The following SORCS1 variants were observed in gnomAD, a reference collection of about 807,000 sequenced individuals.
The protein encoded by SORCS1 is VPS10 domain-containing receptor SorCS1.
In SORCS1, 60 loss-of-function variants were observed where a neutral mutation model predicts 146.1. The ratio of observed to expected loss-of-function variants is 0.41; its 90% CI spans 0.33 to 0.51. The LOEUF (loss-of-function observed/expected upper bound fraction) is 0.51, where lower values mean the gene tolerates loss of function less well. Among genes scored for constraint, SORCS1 ranks in the 20% least tolerant of loss-of-function variants. SORCS1 has a pLI of 0.21. For missense variants in SORCS1, 1,352 were observed against 1,487.6 expected, an observed-to-expected ratio of 0.91 and a Z score of 1.50; for synonymous variants, 637 against 584.0, an observed-to-expected ratio of 1.09 and a Z score of -1.31.
At chr10:106,780,403 C>T (rs1323972710) in intron 3 of SORCS1, among the ~76,000 whole-genome samples, 1 of 152,134 alleles carries the variant, frequency 6.6e-6, no homozygotes, top group African/African-American at 2.4e-5. Context: ...GGAGCATGTT[C>T]TGGACAACAG....
At chr10:107,088,873 T>G (rs546802049) in intron 1 of SORCS1, among the ~76,000 whole-genome samples, 1 of 152,338 alleles carries the variant, frequency 6.6e-6, no homozygotes, top group African/African-American at 2.4e-5. Flanking sequence ...CCTAGAATTT[T>G]AAGGATCTGT....
At chr10:107,154,064 T>C (rs1969070706) in intron 1 of SORCS1, among the ~76,000 whole-genome samples, 1 of 141,570 alleles carries the variant, frequency 7.1e-6, no homozygotes, top group Non-Finnish European at 1.5e-5. Context: ...TAGGCTGGAG[T>C]GCAGTGGCAC....
At chr10:106,742,509 G>A (rs1431811953) in intron 5 of SORCS1, among the ~76,000 whole-genome samples, 2 of 151,964 alleles carry the variant, frequency 1.3e-5, no homozygotes, top group African/African-American at 4.8e-5. Context: ...CCTCCCAAGT[G>A]GCTGGGACTA....
intron 2 of SORCS1, among the ~76,000 whole-genome samples, chr10:106,831,753 A>G (rs1386078233): frequency 1.3e-5 from 2 of 152,132 alleles, no homozygotes; most frequent in Non-Finnish European, 2.9e-5. Context: ...TAGATGGCAA[A>G]CAGAAAACGG....
In SORCS1 at chr10:106,784,121, T is replaced by G. The variant is rs192777020; in HGVS notation, c.727-7429A>C. 1.9e-3 allele frequency among the ~76,000 whole-genome samples: 285 copies of G among 152,162 alleles called. 2 individuals are homozygous for G. Among genetic ancestry groups the G allele is most frequent in the African/African-American group, 6.7e-3 (277 of 41,504 alleles). On this transcript the variant is annotated intron_variant, in intron 3 of 25. Coordinates refer to ENST00000263054, the MANE Select transcript of SORCS1 (RefSeq NM_052918.5). ...TTAAAAAACTAAACCTGGGGCCGGG[T>G]GCAGTGGCTCACGCCTGTAATCCCA...
intron 1 of SORCS1, among the ~76,000 whole-genome samples, chr10:107,065,418 T>TCTTA (rs1961672993): frequency 1.1e-5 from 1 of 87,566 alleles, no homozygotes; most frequent in East Asian, 2.7e-4. Context: ...CTCTTTCTTT[T>TCTTA]CTTTCTTTCT....
intron 23 of SORCS1, among the ~76,000 whole-genome samples, chr10:106,604,821 G>T (rs1298314416): frequency 6.6e-6 from 1 of 151,732 alleles, no homozygotes; most frequent in East Asian, 1.9e-4. Context: ...ACCATATAAT[G>T]AACATGAATG....
At chr10:106,825,588 T>G (rs1948266991) in intron 3 of SORCS1, among the ~76,000 whole-genome samples, 1 of 152,022 alleles carries the variant, frequency 6.6e-6, no homozygotes, top group South Asian at 2.1e-4. Context: ...TTTTTTTTTC[T>G]TTGCTACATT....
intron 23 of SORCS1, among the ~76,000 whole-genome samples, chr10:106,598,745 A>T (rs1312057477): frequency 6.6e-6 from 1 of 152,032 alleles, no homozygotes; most frequent in African/African-American, 2.4e-5. Flanking sequence ...TGAGTTGCCA[A>T]AATAACGCCT....
intron 1 of SORCS1, among the ~76,000 whole-genome samples, chr10:106,973,531 G>T (rs1455247624): frequency 6.6e-6 from 1 of 152,200 alleles, no homozygotes; most frequent in Non-Finnish European, 1.5e-5. Context: ...GAATAAGACT[G>T]CAAGGGGGTC....
chr10:106,878,868 C>G (rs1402674724), intron 2 of SORCS1, among the ~76,000 whole-genome samples: 1 of 151,406 alleles, frequency 6.6e-6, no homozygotes, highest in Non-Finnish European at 1.5e-5. Context: ...AAAAATTTCC[C>G]TGGGCGCAAT....
chr10:106,787,701 C>T (rs756735931), intron 3 of SORCS1, among the ~76,000 whole-genome samples: 3 of 152,158 alleles, frequency 2.0e-5, no homozygotes, highest in South Asian at 2.1e-4. Flanking sequence ...TCAAACAACA[C>T]GATCTTTTAT....
intron 17 of SORCS1, among the ~76,000 whole-genome samples, chr10:106,664,038 A>T (rs1302669199): frequency 6.6e-6 from 1 of 152,160 alleles, no homozygotes; most frequent in Non-Finnish European, 1.5e-5. Flanking sequence ...CTTTAAACGG[A>T]ACAGACGAAA....
Position 106,889,514 on chromosome 10 carries a change from A to C in SORCS1, c.627-59841T>G, listed in dbSNP as rs144312178. ...CACGGTGGCTCATGCCTGTAATCCC[A>C]GCACTTTGGGAGGCCGAGGTGGGCA... On this transcript the variant is annotated intron_variant, in intron 2 of 25. Coordinates refer to ENST00000263054, the MANE Select transcript of SORCS1 (RefSeq NM_052918.5). 9.2e-5 allele frequency among the ~76,000 whole-genome samples: 14 copies of C among 152,226 alleles called. No individual in the cohort carries two copies. In the East Asian group the frequency reaches 2.3e-3, roughly 25 times the overall value.
At chr10:107,077,837 T>C (rs1963014314) in intron 1 of SORCS1, among the ~76,000 whole-genome samples, 1 of 152,106 alleles carries the variant, frequency 6.6e-6, no homozygotes, top group African/African-American at 2.4e-5. Flanking sequence ...GAGATTTAGA[T>C]AAGCATATGG....
At chr10:107,084,268 T>G (rs1470573243) in intron 1 of SORCS1, among the ~76,000 whole-genome samples, 2 of 150,906 alleles carry the variant, frequency 1.3e-5, no homozygotes, top group African/African-American at 4.9e-5. Flanking sequence ...GCTAATTTTT[T>G]TTTTTTTTTT....
At chr10:106,907,843 C>A (rs1446594124) in intron 2 of SORCS1, among the ~76,000 whole-genome samples, 1 of 151,512 alleles carries the variant, frequency 6.6e-6, no homozygotes, top group African/African-American at 2.4e-5. Context: ...AGGAGAATCG[C>A]TTGAACCTAG....
chr10:106,900,887 G>A (rs1323190878), intron 2 of SORCS1, among the ~76,000 whole-genome samples: 1 of 152,094 alleles, frequency 6.6e-6, no homozygotes, highest in Non-Finnish European at 1.5e-5. Flanking sequence ...TTAAAATTCG[G>A]TAAATTTAGA....
chr10:106,671,295 T>C lies in SORCS1; in HGVS notation c.2131A>G (p.Lys711Glu). The part of the protein sequence containing the change: ...RKSERKCMQG[K>E]YAGAMESEPC... Reference sequence around the variant, plus strand: ...TCAGATTCCATAGCTCCTGCATATTTTCCTTGCATACACTTCCGCTCTGAT... The same window carrying C: ...TCAGATTCCATAGCTCCTGCATATTCTCCTTGCATACACTTCCGCTCTGAT... The change falls in exon 16 of 26, where the codon AAA (lysine) becomes GAA (glutamate). Residue 711 changes from lysine (K) to glutamate (E), a missense_variant. Coordinates refer to ENST00000263054, the MANE Select transcript of SORCS1 (RefSeq NM_052918.5). 1 of 1,614,182 alleles carries C rather than the reference T, an allele frequency of 6.2e-7. No homozygotes were observed. Among genetic ancestry groups the C allele is most frequent in the Non-Finnish European group, 8.5e-7 (1 of 1,180,016 alleles).
Sources: gnomAD v4.1 joint callset for allele counts (sites outside exome capture counted in the v4.1 genomes callset) on GRCh38, gnomAD v4.1.1 for gene constraint, MANE v1.5 for transcripts, NCBI Gene and HGNC (gene_info 2026-07-23, HGNC 2026-07-21) for gene names.